Variants in OSBPL3 observed in about 807,000 individuals in gnomAD.
OSBPL3 encodes oxysterol-binding protein-related protein 3.
Under a neutral mutation model 120.1 loss-of-function variants are expected in OSBPL3, and 65 were observed. The observed-to-expected ratio is 0.54, with a 90% CI of 0.44 to 0.67. The LOEUF (loss-of-function observed/expected upper bound fraction) is 0.67. Among genes scored for constraint, OSBPL3 ranks in the 30% least tolerant of loss-of-function variants. The pLI is 0.00. For missense variants in OSBPL3, 1,004 were observed against 1,082.1 expected (o/e 0.93, Z 1.01); for synonymous variants, 416 against 402.6 (o/e 1.03, Z -0.40).
Position 24,849,320 on chromosome 7 carries a change from C to T in OSBPL3, c.1159-144G>A. Reference sequence around the variant, plus strand: ...GACAGCGCACTTTCTGGACTTTTTCCTTGAATGCTCTCCAAGAGGATACTG... The same window carrying T: ...GACAGCGCACTTTCTGGACTTTTTCTTTGAATGCTCTCCAAGAGGATACTG... On this transcript the variant is annotated intron_variant, in intron 11 of 22. Transcript: ENST00000313367. This position sits in a 1 kb window ranked among gnomAD's most constrained non-coding sequence, Gnocchi z 5.4. 1.8e-6 allele frequency: 1 copy of T among 552,086 alleles called. No individual in the cohort carries two copies. The highest frequency in any genetic ancestry group is 2.2e-5 in the South Asian group (1 of 46,190). The allele number at this position is 552,086 out of a possible 1,614,324, so 34.2% of individuals were successfully genotyped here.
intron 12 of OSBPL3, among the ~76,000 whole-genome samples, chr7:24,848,597 T>C (rs1798721503): frequency 6.6e-6 from 1 of 151,210 alleles, no homozygotes; most frequent in East Asian, 1.9e-4. Context: ...TCCCTCAGAG[T>C]GTACAGCCGC....
rs970084170 is a variant in OSBPL3 at position 24,830,587 on chromosome 7, C to G, written c.1884+181G>C. Among the ~76,000 whole-genome samples, 1 of 152,096 alleles carries G rather than the reference C, an allele frequency of 6.6e-6. No individual in the cohort carries two copies. The highest frequency in any genetic ancestry group is 6.5e-5 in the Admixed American group (1 of 15,278). Reference sequence around the variant, plus strand: ...GAATTACGGGTGGTAACTTTATGCCCCTGGGTGGTGGCTTGGCTTCAGTGG... The same window carrying G: ...GAATTACGGGTGGTAACTTTATGCCGCTGGGTGGTGGCTTGGCTTCAGTGG... On this transcript the variant is annotated intron_variant, in intron 16 of 22. Transcript: ENST00000313367. This position sits in a 1 kb window ranked among gnomAD's most constrained non-coding sequence, Gnocchi z 4.4.
At chr7:24,838,964 T>C (rs907384928) in intron 14 of OSBPL3, among the ~76,000 whole-genome samples, 2 of 152,232 alleles carry the variant, frequency 1.3e-5, no homozygotes, top group African/African-American at 4.8e-5. Context: ...CCAACCACGA[T>C]GAGCATCTTA....
chr7:24,902,501 G>T (rs117764071), intron 1 of OSBPL3, among the ~76,000 whole-genome samples: 1,735 of 152,072 alleles, frequency 0.011, 9 homozygotes, highest in Non-Finnish European at 0.018. Context: ...AGATGCTGAT[G>T]CAATGAACAA....
intron 1 of OSBPL3, among the ~76,000 whole-genome samples, chr7:24,925,770 T>C (rs544448258): frequency 6.6e-6 from 1 of 152,352 alleles, no homozygotes; most frequent in South Asian, 2.1e-4. Flanking sequence ...TGATGGTGTA[T>C]TCAAAGCAAG....
Position 24,830,923 on chromosome 7 carries a change from G to A in OSBPL3, c.1747-18C>T, listed in dbSNP as rs143950847. ...ACATATACCTAAGGACAAGAGAAAA[G>A]AACTTTGTCATTTCCGTGTCACCAA... On this transcript the variant is annotated intron_variant, in intron 15 of 22. Coordinates refer to ENST00000313367, the MANE Select transcript of OSBPL3 (RefSeq NM_015550.4). The surrounding 1 kb of genome is among the most constrained non-coding windows in gnomAD (Gnocchi z 4.4). 9.5e-6 allele frequency: 15 copies of A among 1,574,862 alleles called. No homozygotes were observed. In the Admixed American group the frequency reaches 1.6e-4, roughly 17 times the overall value.
chr7:24,871,886 C>T lies in OSBPL3; in HGVS notation c.213+67G>A. On this transcript the variant is annotated intron_variant, in intron 3 of 22. Coordinates refer to ENST00000313367, the MANE Select transcript of OSBPL3 (RefSeq NM_015550.4). The surrounding 1 kb of genome is among the most constrained non-coding windows in gnomAD (Gnocchi z 4.8). ...TCCAACTAGAAATTAAATATGAGTACCTAAGAACCAGGTGCTGAGTGGGGC... is the reference window on the plus strand; with the variant it reads ...TCCAACTAGAAATTAAATATGAGTATCTAAGAACCAGGTGCTGAGTGGGGC... 3 of 1,465,790 alleles carry T rather than the reference C, an allele frequency of 2.0e-6. No homozygotes were observed. The highest frequency in any genetic ancestry group is 2.3e-5 in the East Asian group (1 of 44,184). The allele number at this position is 1,465,790 out of a possible 1,614,324, so 90.8% of individuals were successfully genotyped here.
Position 24,796,808 on chromosome 7 carries a change from G to C in OSBPL3, c.*3375C>G, listed in dbSNP as rs924927351. 2.6e-5 allele frequency: 4 copies of C among 152,204 alleles called. No homozygotes were observed. Among genetic ancestry groups the C allele is most frequent in the Admixed American group, 6.5e-5 (1 of 15,286 alleles). The allele number at this position is 152,204 out of a possible 1,614,324, so 9.4% of individuals were successfully genotyped here. A position where few individuals can be genotyped will look rare whatever the true frequency, so the allele number is the denominator to read the frequency against. ...TTTGCACTTTAGACTGTCATGATTT[G>C]CAGATATTTACATGACGCAGGTTTC... On this transcript the variant is annotated 3_prime_UTR_variant, in exon 23 of 23. Transcript: ENST00000313367. The surrounding 1 kb of genome is among the most constrained non-coding windows in gnomAD (Gnocchi z 5.2).
Position 24,968,420 on chromosome 7 carries a change from G to A in OSBPL3, c.-150+11466C>T, listed in dbSNP as rs13438013. ...CCAGTTTTTTTGTTTTTTTTGAGTC[G>A]GAGTCTCCCTCTGTCACCCAGACTG... is the stretch of plus-strand genomic sequence containing the variant. On this transcript the variant is annotated intron_variant, in intron 1 of 22. Coordinates refer to ENST00000313367, the MANE Select transcript of OSBPL3 (RefSeq NM_015550.4). This position sits in a 1 kb window ranked among gnomAD's most constrained non-coding sequence, Gnocchi z 4.6. Among the ~76,000 whole-genome samples, 2,034 of 151,880 alleles carry A rather than the reference G, an allele frequency of 0.013. 50 individuals carry two copies. The highest frequency in any genetic ancestry group is 0.014 in the Non-Finnish European group (971 of 67,948).
At position 24,852,559 on chromosome 7, in the gene OSBPL3, T is replaced by C. The variant is rs553102480; in HGVS notation, c.1103A>G (p.Asp368Gly). The C allele has an allele frequency of 6.2e-7, 1 of 1,608,866 alleles. No individual in the cohort carries two copies. The change falls in exon 11 of 23, where the codon GAT becomes GGT. Residue 368 changes from aspartate (D) to glycine (G), a missense_variant. Coordinates refer to ENST00000313367, the MANE Select transcript of OSBPL3 (RefSeq NM_015550.4). This position sits in a 1 kb window ranked among gnomAD's most constrained non-coding sequence, Gnocchi z 4.1. ...CTGAGCAGACGGGGAGGAGGAGGCA[T>C]CCTGCTCCATCAGCTGCTTCAGTTT... The part of the protein sequence containing the change: ...REKLKQLMEQ[D>G]ASSSPSAQVI...
intron 14 of OSBPL3, among the ~76,000 whole-genome samples, chr7:24,836,784 A>C (rs1163671123): frequency 6.6e-6 from 1 of 152,220 alleles, no homozygotes; most frequent in African/African-American, 2.4e-5. Flanking sequence ...CACACTGTGC[A>C]TCTCATGTTA....
intron 1 of OSBPL3, among the ~76,000 whole-genome samples, chr7:24,969,654 C>G (rs1816781255): frequency 6.6e-6 from 1 of 152,032 alleles, no homozygotes; most frequent in Non-Finnish European, 1.5e-5. Context: ...TTTATTATCC[C>G]TTGTGGAATC....
intron 12 of OSBPL3, among the ~76,000 whole-genome samples, chr7:24,843,829 A>C (rs1308986430): frequency 6.6e-6 from 1 of 152,234 alleles, no homozygotes; most frequent in Non-Finnish European, 1.5e-5. Context: ...AGCCAGGCAT[A>C]AAGCTATTGA....
rs1816243684 is a variant in OSBPL3 at position 24,965,298 on chromosome 7, A to C, written c.-150+14588T>G. 6.6e-6 allele frequency among the ~76,000 whole-genome samples: 1 copy of C among 152,244 alleles called. No homozygotes were observed. The highest frequency in any genetic ancestry group is 2.1e-4 in the South Asian group (1 of 4,834). On this transcript the variant is annotated intron_variant, in intron 1 of 22. Transcript: ENST00000313367. The surrounding 1 kb of genome is among the most constrained non-coding windows in gnomAD (Gnocchi z 4.3). ...AAAATCTAGATATAAGTATGAGCTC[A>C]ACTATTTTTGCCCCTAGGGTAAGTC...
intron 14 of OSBPL3, among the ~76,000 whole-genome samples, chr7:24,839,434 T>C (rs1185250298): frequency 6.6e-6 from 1 of 152,198 alleles, no homozygotes; most frequent in Non-Finnish European, 1.5e-5. Flanking sequence ...TTATGAAATA[T>C]CTTTCCTGCC....
chr7:24,976,936 G>A (rs774918068), intron 1 of OSBPL3, among the ~76,000 whole-genome samples: 1 of 152,138 alleles, frequency 6.6e-6, no homozygotes, highest in Non-Finnish European at 1.5e-5. Context: ...GAGCCCCTTA[G>A]GTGGTACCCA....
intron 1 of OSBPL3, among the ~76,000 whole-genome samples, chr7:24,954,498 A>G (rs1052806460): frequency 1.3e-5 from 2 of 152,170 alleles, no homozygotes; most frequent in South Asian, 2.1e-4. Flanking sequence ...TGCTGCAAAC[A>G]AAGTGTTTAG....
At chr7:24,931,719 T>C (rs557437259) in intron 1 of OSBPL3, among the ~76,000 whole-genome samples, 2 of 151,944 alleles carry the variant, frequency 1.3e-5, no homozygotes, top group African/African-American at 2.4e-5. Context: ...TAATTTGCTA[T>C]AGCAGTAATA....
rs1305998459 is a variant in OSBPL3, at chr7:24,912,849, C to T, written c.-149-20228G>A. On this transcript the variant is annotated intron_variant, in intron 1 of 22. Transcript: ENST00000313367. This position sits in a 1 kb window ranked among gnomAD's most constrained non-coding sequence, Gnocchi z 4.5. ...AAATTTGAGTGGCTTCTAATTATGG[C>T]AGAAATGATGCTTCGTGACTTCTGA... Among the ~76,000 whole-genome samples, 1 of 152,194 alleles carries T rather than the reference C, an allele frequency of 6.6e-6. No homozygotes were observed. The highest frequency in any genetic ancestry group is 1.9e-4 in the East Asian group (1 of 5,198).
Sources: gnomAD v4.1 joint callset for allele counts (sites outside exome capture counted in the v4.1 genomes callset) on GRCh38, gnomAD v4.1.1 for gene constraint, Gnocchi (gnomAD v3.1) non-coding constraint, MANE v1.5 for transcripts, NCBI Gene and HGNC (gene_info 2026-07-23, HGNC 2026-07-21) for gene names.